Variants in VEGFD observed in about 807,000 individuals in gnomAD.
VEGFD encodes vascular endothelial growth factor D, also known as c-fos induced growth factor (vascular endothelial growth factor D).
In VEGFD, 26 loss-of-function variants were observed where a neutral mutation model predicts 28.0. That is an observed-to-expected ratio of 0.93 (90% CI 0.68 to 1.29). The LOEUF (loss-of-function observed/expected upper bound fraction) is 1.29. Among genes scored for constraint, VEGFD ranks in the 50% most tolerant of loss-of-function variants. VEGFD has a pLI of 0.00. For synonymous variants in VEGFD, 93 were observed against 95.5 expected, an observed-to-expected ratio of 0.97 and a Z score of 0.15; for missense variants, 294 against 273.4, an observed-to-expected ratio of 1.08 and a Z score of -0.53.
At chrX:15,363,862 G>A (rs972073775) in intron 1 of VEGFD, among the ~76,000 whole-genome samples, 6 of 112,162 alleles carry the variant, frequency 5.3e-5, no homozygotes, top group Non-Finnish European at 1.1e-4. Flanking sequence ...GAAGCTGGAT[G>A]AAGCAAGAAA....
At chrX:15,371,820 C>A (rs1923316501) in intron 1 of VEGFD, among the ~76,000 whole-genome samples, 2 of 112,253 alleles carry the variant, frequency 1.8e-5, no homozygotes, top group African/African-American at 6.5e-5. Context: ...TTTATGATTT[C>A]TTTCAACGTT....
chrX:15,366,995 G>T (rs945326111), intron 1 of VEGFD, among the ~76,000 whole-genome samples: 2 of 112,342 alleles, frequency 1.8e-5, no homozygotes, highest in African/African-American at 6.5e-5. Flanking sequence ...CCAGATGTGA[G>T]TGTGTGTCTG....
intron 1 of VEGFD, among the ~76,000 whole-genome samples, chrX:15,372,441 A>C (rs1251683635): frequency 4.7e-5 from 5 of 105,627 alleles, no homozygotes; most frequent in Admixed American, 2.0e-4. Context: ...AGCTCTCACA[A>C]AAAAAAAAAT....
chrX:15,368,031 G>GAAAGAAAGAAAGAAAGAAAGAAAGA (rs753106829), intron 1 of VEGFD, among the ~76,000 whole-genome samples: 32 of 26,843 alleles, frequency 1.2e-3, no homozygotes, highest in South Asian at 4.7e-3. Flanking sequence ...AGAAAGAAAG[G>GAAAGAAAGAAAGAAAGAAAGAAAGA]AAAGAAGAAA....
At chrX:15,379,022 C>G (rs903841879) in intron 1 of VEGFD, among the ~76,000 whole-genome samples, 2 of 111,265 alleles carry the variant, frequency 1.8e-5, no homozygotes, top group African/African-American at 6.6e-5. Context: ...ATGGCCACTG[C>G]ACTGATGGTT....
chrX:15,359,063 G>T (rs1922938706), intron 2 of VEGFD, among the ~76,000 whole-genome samples: 1 of 111,004 alleles, frequency 9.0e-6, no homozygotes, highest in Non-Finnish European at 1.9e-5. Flanking sequence ...ATTATGTGTG[G>T]GGTTGTGGTG....
At position 15,347,247 on chromosome X, in the gene VEGFD, G is replaced by T. The variant is rs192921923; in HGVS notation, c.855C>A (p.Pro285=). Residue 285 remains proline (P), a synonymous_variant, in exon 6 of 7, where the codon CCC becomes CCA. Transcript: ENST00000297904. ...TPCPKDLIQH[P]KNCSCFECKE... ...TGCACTCAAAGCAACTGCAGTTTTT[G>T]GGGTGCTGGATTAGATCTTTGGGAC... 5.0e-4 allele frequency: 604 copies of T among 1,209,991 alleles called. 5 individuals are homozygous for T. The East Asian group carries it at 0.017, about 34-fold the overall frequency.
chrX:15,377,296 C>T (rs2146989006), intron 1 of VEGFD, among the ~76,000 whole-genome samples: 1 of 111,871 alleles, frequency 8.9e-6, no homozygotes, highest in Non-Finnish European at 1.9e-5. Flanking sequence ...ACCTGTCTTC[C>T]TTCAGCACAC....
chrX:15,365,993 C>CTTGTTTGTTTGT (rs1923135911), intron 1 of VEGFD, among the ~76,000 whole-genome samples: 1 of 104,348 alleles, frequency 9.6e-6, no homozygotes, highest in African/African-American at 3.8e-5. Context: ...TATATTCTTC[C>CTTGTTTGTTTGT]TAGTTTGTTT....
intron 3 of VEGFD, 25 bp downstream of exon 3, chrX:15,357,978 G>C: frequency 8.4e-7 from 1 of 1,185,715 alleles, no homozygotes; most frequent in Non-Finnish European, 1.1e-6. Flanking sequence ...CTTTAGAGAC[G>C]GCAGGCTTGC....
intron 1 of VEGFD, among the ~76,000 whole-genome samples, chrX:15,378,769 T>G (rs1421463533): frequency 8.9e-6 from 1 of 111,850 alleles, no homozygotes; most frequent in Non-Finnish European, 1.9e-5. Context: ...TAAGAACAAT[T>G]TTTTACATTT....
intron 1 of VEGFD, among the ~76,000 whole-genome samples, chrX:15,368,066 G>GAAAGAAAGAAAGAAAGA (rs746075029): frequency 1.5e-4 from 11 of 74,582 alleles, no homozygotes; most frequent in South Asian, 6.8e-4. Flanking sequence ...AGAAAGGAAA[G>GAAAGAAAGAAAGAAAGA]AAAGAAAGAA....
Position 15,346,052 on chromosome X carries a change from C to T in VEGFD, c.*81G>A. ...GTAAAATGGATTTTTTTTTTAACACCTGGGAAAAAAACAGTGACAGCAACT... is the reference window on the plus strand; with the variant it reads ...GTAAAATGGATTTTTTTTTTAACACTTGGGAAAAAAACAGTGACAGCAACT... On this transcript the variant is annotated 3_prime_UTR_variant, in exon 7 of 7. Transcript: ENST00000297904. 3.6e-6 allele frequency: 4 copies of T among 1,111,267 alleles called. No individual in the cohort carries two copies. The highest frequency in any genetic ancestry group is 4.8e-6 in the Non-Finnish European group (4 of 828,378). The allele number at this position is 1,111,267 out of a possible 1,213,427, so 91.6% of individuals were successfully genotyped here.
chrX:15,359,100 G>A (rs1221156133), intron 2 of VEGFD, among the ~76,000 whole-genome samples: 2 of 110,781 alleles, frequency 1.8e-5, no homozygotes, highest in African/African-American at 3.3e-5. Flanking sequence ...GTGGTAGGCA[G>A]CTTTGAAACT....
chrX:15,353,901 T>C (rs1169123805), intron 4 of VEGFD, among the ~76,000 whole-genome samples: 1 of 111,906 alleles, frequency 8.9e-6, no homozygotes, highest in Non-Finnish European at 1.9e-5. Flanking sequence ...GTTAAAACTA[T>C]GCAAATTATA....
chrX:15,358,550 C>T (rs1388588166), intron 2 of VEGFD, among the ~76,000 whole-genome samples: 1 of 111,938 alleles, frequency 8.9e-6, no homozygotes, highest in African/African-American at 3.2e-5. Flanking sequence ...ATTTATCAAG[C>T]AATTTATAGG....
At chrX:15,347,859 G>C (rs1922594685) in intron 5 of VEGFD, among the ~76,000 whole-genome samples, 2 of 111,712 alleles carry the variant, frequency 1.8e-5, no homozygotes, top group Non-Finnish European at 3.8e-5. Context: ...AAAGATATAG[G>C]AGTAATAATG....
intron 6 of VEGFD, among the ~76,000 whole-genome samples, chrX:15,346,961 GC>G (rs1299755855): frequency 9.0e-6 from 1 of 111,079 alleles, no homozygotes. Context: ...ATAATAACAG[GC>G]AGGATTGATT....
At chrX:15,378,832 T>C (rs1923498835) in intron 1 of VEGFD, among the ~76,000 whole-genome samples, 1 of 111,451 alleles carries the variant, frequency 9.0e-6, no homozygotes, top group South Asian at 3.8e-4. Flanking sequence ...GAAAATTACA[T>C]AAAATTCAAT....
Sources: allele counts gnomAD v4.1 joint callset (sites outside exome capture counted in the v4.1 genomes callset), GRCh38; gene constraint gnomAD v4.1.1; transcripts MANE v1.5; gene names NCBI Gene and HGNC (gene_info 2026-07-23, HGNC 2026-07-21).